Variants in TNRC6C observed in about 807,000 individuals in gnomAD.
TNRC6C encodes trinucleotide repeat containing adaptor 6C, also known as trinucleotide repeat-containing gene 6C protein.
TNRC6C carries 20 observed loss-of-function variants against 153.7 expected under a neutral mutation model. The ratio of observed to expected loss-of-function variants is 0.13; its 90% CI spans 0.09 to 0.19. The LOEUF (loss-of-function observed/expected upper bound fraction) is 0.19. Among genes scored for constraint, TNRC6C ranks in the 10% least tolerant of loss-of-function variants. The pLI is 1.00. For missense variants in TNRC6C, 1,987 were observed against 2,172.0 expected, an observed-to-expected ratio of 0.91 and a Z score of 1.69; for synonymous variants, 811 against 841.4, an observed-to-expected ratio of 0.96 and a Z score of 0.63.
At chr17:78,046,304 C>T (rs1301361037) in intron 2 of TNRC6C, among the ~76,000 whole-genome samples, 1 of 152,012 alleles carries the variant, frequency 6.6e-6, no homozygotes, top group Non-Finnish European at 1.5e-5. Context: ...GCCTCAACTC[C>T]CAAGTAGCTG....
chr17:78,005,877 A>G (rs1598672689), intron 1 of TNRC6C, among the ~76,000 whole-genome samples: 1 of 152,184 alleles, frequency 6.6e-6, no homozygotes. Context: ...TGTAAAAAAA[A>G]AAGACTAATT....
intron 13 of TNRC6C, among the ~76,000 whole-genome samples, chr17:78,090,057 C>G (rs149217298): frequency 2.0e-5 from 3 of 152,338 alleles, no homozygotes; most frequent in African/African-American, 7.2e-5. Context: ...AAAGAACCCA[C>G]ACAGCAGAGA....
intron 1 of TNRC6C, among the ~76,000 whole-genome samples, chr17:77,978,807 G>T (rs950545138): frequency 6.6e-6 from 1 of 152,098 alleles, no homozygotes; most frequent in Non-Finnish European, 1.5e-5. Flanking sequence ...TAGGTGTATG[G>T]TGAACCTAAA....
intron 1 of TNRC6C, among the ~76,000 whole-genome samples, chr17:78,018,199 T>C (rs2143502344): frequency 6.6e-6 from 1 of 152,338 alleles, no homozygotes; most frequent in East Asian, 1.9e-4. Flanking sequence ...CAGTCTCGGC[T>C]CACTGCAACC....
At chr17:77,961,731 C>T (rs553411914) in intron 1 of TNRC6C, among the ~76,000 whole-genome samples, 1 of 152,134 alleles carries the variant, frequency 6.6e-6, no homozygotes, top group Admixed American at 6.5e-5. Context: ...TAAATAGTTG[C>T]CTTTAGAATG....
At chr17:78,006,492 T>TTCTTTC (rs2071500644) in intron 1 of TNRC6C, among the ~76,000 whole-genome samples, 2 of 110,416 alleles carry the variant, frequency 1.8e-5, no homozygotes, top group African/African-American at 7.1e-5. Context: ...CTTCTTCTTC[T>TTCTTTC]TTCTTCTTCT....
At chr17:77,999,988 A>G (rs140020936), upstream of TNRC6C, among the ~76,000 whole-genome samples, 10 of 152,336 alleles carry the variant, frequency 6.6e-5, no homozygotes, top group Middle Eastern at 3.4e-3. Flanking sequence ...GGATTATACA[A>G]AAGTGTGGAA....
chr17:77,988,452 A>G lies in TNRC6C; in HGVS notation c.-37-15718A>G, dbSNP rs182192298. 4.3e-4 allele frequency among the ~76,000 whole-genome samples: 66 copies of G among 152,240 alleles called. No homozygotes were observed. The East Asian group carries it at 0.01, about 24-fold the overall frequency. The stretch of plus-strand genomic sequence containing the variant: ...CCCAGCATCAGAATTTCTTCTCTTC[A>G]TCTGCCCATCTGTGAATCTGTTCTC... On this transcript the variant is annotated intron_variant, in intron 1 of 22. Transcript: ENST00000636222.
chr17:77,958,024 C>G (rs1357295447), upstream of TNRC6C, among the ~76,000 whole-genome samples: 1 of 152,078 alleles, frequency 6.6e-6, no homozygotes, highest in Non-Finnish European at 1.5e-5. Context: ...TGGGGAGCGA[C>G]TGAGCGCAAG....
At chr17:77,959,723 G>A (rs545915106) in intron 1 of TNRC6C, among the ~76,000 whole-genome samples, 1 of 152,160 alleles carries the variant, frequency 6.6e-6, no homozygotes, top group East Asian at 1.9e-4. Flanking sequence ...AGGACCCCTG[G>A]GCGCTCTGCG....
At chr17:78,001,814 G>T (rs2143158116), upstream of TNRC6C, among the ~76,000 whole-genome samples, 1 of 151,968 alleles carries the variant, frequency 6.6e-6, no homozygotes, top group African/African-American at 2.4e-5. Flanking sequence ...GATATGGAAG[G>T]GGGAGAAAGT....
upstream of TNRC6C, chr17:78,004,192 G>A: frequency 8.1e-7 from 1 of 1,231,526 alleles, no homozygotes; most frequent in Non-Finnish European, 1.0e-6. Context: ...AGAAACACAA[G>A]AAGAGGAACG....
chr17:78,063,310 C>T (rs9891875), intron 3 of TNRC6C, among the ~76,000 whole-genome samples: 3,645 of 150,204 alleles, frequency 0.024, 148 homozygotes, highest in African/African-American at 0.083. Flanking sequence ...GGAGAAAGTA[C>T]ACTTACTATT....
chr17:78,095,265 G>A (rs931255264), intron 16 of TNRC6C, among the ~76,000 whole-genome samples: 3 of 152,220 alleles, frequency 2.0e-5, no homozygotes, highest in Non-Finnish European at 4.4e-5. Context: ...GAAGAAGATG[G>A]CCCGAGAAAC....
exon 19 of TNRC6C, chr17:78,103,446 G>C (rs1266042790): frequency 6.2e-7 from 1 of 1,613,900 alleles, no homozygotes. Context: ...CATTGTGTTT[G>C]CAACATGGGC....
chr17:78,064,879 G>A (rs1238868533), exon 4 of TNRC6C: 11 of 1,611,916 alleles, frequency 6.8e-6, no homozygotes, highest in Admixed American at 1.7e-5. Flanking sequence ...CTGCAGAGCC[G>A]CCGGTGGCAT....
intron 1 of TNRC6C, among the ~76,000 whole-genome samples, chr17:77,965,472 A>G (rs2070889811): frequency 6.6e-6 from 1 of 152,246 alleles, no homozygotes; most frequent in African/African-American, 2.4e-5. Context: ...CAGAGCCTTA[A>G]TAAATGTGTC....
Position 78,104,512 on chromosome 17 carries a change from G to A in TNRC6C, c.4740G>A (p.Leu1580=). 6.6e-7 allele frequency: 1 copy of A among 1,523,810 alleles called. No homozygotes were observed. The highest frequency in any genetic ancestry group is 8.8e-7 in the Non-Finnish European group (1 of 1,131,030). The allele number at this position is 1,523,810 out of a possible 1,614,324, so 94.4% of individuals were successfully genotyped here. A position where few individuals can be genotyped will look rare whatever the true frequency, so the allele number is the denominator to read the frequency against. ...GCGTCCTGGGAAACACTACCATCCT[G>A]GCCGAGTTCGCTGGTGAAGAAGAAG... The change falls in exon 20 of 20, where the codon CTG becomes CTA. Residue 1580 remains leucine (L), a synonymous_variant. Coordinates refer to ENST00000301624, the Ensembl canonical transcript of TNRC6C. The surrounding 1 kb of genome is among the most constrained non-coding windows in gnomAD (Gnocchi z 6.2).
At chr17:77,987,105 A>G (rs769869611) in intron 1 of TNRC6C, among the ~76,000 whole-genome samples, 3 of 152,230 alleles carry the variant, frequency 2.0e-5, no homozygotes, top group African/African-American at 7.2e-5. Flanking sequence ...TTACAGCAAC[A>G]TGATTAAAGG....
Sources: gnomAD v4.1 joint callset for allele counts (sites outside exome capture counted in the v4.1 genomes callset) on GRCh38, gnomAD v4.1.1 for gene constraint, Gnocchi (gnomAD v3.1) non-coding constraint, MANE v1.5 for transcripts, NCBI Gene and HGNC (gene_info 2026-07-23, HGNC 2026-07-21) for gene names.